The following FAP variants were observed in gnomAD, a reference collection of about 807,000 sequenced individuals.
The protein encoded by FAP is prolyl endopeptidase FAP.
A neutral mutation model predicts 126.5 loss-of-function variants in FAP; 110 were observed. That is an observed-to-expected ratio of 0.87 (90% CI 0.74 to 1.02). The LOEUF (loss-of-function observed/expected upper bound fraction) is 1.02. Among genes scored for constraint, FAP ranks in the 50% least tolerant of loss-of-function variants. The pLI, the probability that FAP is intolerant of heterozygous loss-of-function variation, is 0.00. For synonymous variants in FAP, 334 were observed against 297.3 expected (o/e 1.12, Z -1.27); for missense variants, 919 against 909.2 (o/e 1.01, Z -0.14).
At chr2:162,199,857 T>C (rs983779570) in intron 15 of FAP, among the ~76,000 whole-genome samples, 1 of 152,192 alleles carries the variant, frequency 6.6e-6, no homozygotes, top group Admixed American at 6.5e-5. Context: ...GGTTAGTATG[T>C]TAACATATGT....
chr2:162,220,112 C>A (rs1689328431), intron 6 of FAP, among the ~76,000 whole-genome samples, 187 bp from the exon 7 acceptor site: 1 of 152,128 alleles, frequency 6.6e-6, no homozygotes, highest in Admixed American at 6.5e-5. Flanking sequence ...GCTGTTCTTC[C>A]AGTAGTTACT....
intron 12 of FAP, among the ~76,000 whole-genome samples, chr2:162,208,336 C>A (rs1049316641): frequency 6.6e-6 from 1 of 151,294 alleles, no homozygotes. Flanking sequence ...AAGTTTAGTG[C>A]AATACAGATT....
chr2:162,177,611 T>A (rs566495848), intron 21 of FAP, among the ~76,000 whole-genome samples: 8 of 152,314 alleles, frequency 5.3e-5, no homozygotes, highest in African/African-American at 1.9e-4. Flanking sequence ...TCTTTGCCAT[T>A]CTGATTTAAA....
rs867448425 is a variant in FAP, at chr2:162,209,821, G to A, written c.1047+131C>T. The A allele has an allele frequency of 3.2e-5, 23 of 708,390 alleles. No individual in the cohort carries two copies. In the African/African-American group the frequency reaches 3.6e-4, roughly 11 times the overall value. 43.9% of individuals were successfully genotyped at this position (708,390 alleles called of 1,614,324 possible). A position where few individuals can be genotyped will look rare whatever the true frequency, so the allele number is the denominator to read the frequency against. On this transcript the variant is annotated intron_variant, in intron 12 of 25. Coordinates refer to ENST00000188790, the MANE Select transcript of FAP (RefSeq NM_004460.5). ...AATCACTCAAGAGATCACTACCTAT[G>A]TGTTTTATACCTTGCTACTTTTTCT...
At chr2:162,213,361 C>T (rs566312528) in intron 11 of FAP, among the ~76,000 whole-genome samples, 45 of 145,434 alleles carry the variant, frequency 3.1e-4, no homozygotes, top group Non-Finnish European at 6.0e-4. Context: ...GGCGACAGAG[C>T]GAGACGCCAT....
chr2:162,193,334 G>A (rs955339601), intron 17 of FAP, among the ~76,000 whole-genome samples: 9 of 152,188 alleles, frequency 5.9e-5, no homozygotes, highest in African/African-American at 1.9e-4. Flanking sequence ...TTGTGGAACT[G>A]TGCTCTGAAA....
At chr2:162,189,517 G>A (rs1687967524) in intron 18 of FAP, 139 bp downstream of exon 18, 1 of 592,068 alleles carries the variant, frequency 1.7e-6, no homozygotes, top group Admixed American at 3.6e-5. Context: ...AATTGTTACA[G>A]TAAGATTATT....
intron 2 of FAP, among the ~76,000 whole-genome samples, chr2:162,232,628 C>G (rs1026651341): frequency 6.6e-6 from 1 of 152,136 alleles, no homozygotes; most frequent in Admixed American, 6.5e-5. Context: ...TGAAGAATGT[C>G]TCAGCTCTAA....
intron 2 of FAP, among the ~76,000 whole-genome samples, chr2:162,240,535 C>T (rs951435806): frequency 6.6e-6 from 1 of 152,182 alleles, no homozygotes; most frequent in African/African-American, 2.4e-5. Flanking sequence ...GAATTCTAGA[C>T]TGCTGCACCT....
intron 1 of FAP, 165 bp from the exon 2 acceptor site, chr2:162,243,157 A>G (rs1690422281): frequency 1.3e-6 from 1 of 795,234 alleles, no homozygotes; most frequent in African/African-American, 1.7e-5. Flanking sequence ...CTCTGCAAGG[A>G]CAAATGTTTC....
chr2:162,183,512 C>T (rs761559185), intron 20 of FAP, 44 bp from the exon 21 acceptor site: 9 of 1,122,966 alleles, frequency 8.0e-6, no homozygotes, highest in Non-Finnish European at 1.1e-5. Context: ...AGTGTATACA[C>T]ATGACATTTA....
chr2:162,238,232 T>G (rs1690216249), intron 2 of FAP, among the ~76,000 whole-genome samples: 1 of 152,168 alleles, frequency 6.6e-6, no homozygotes, highest in Admixed American at 6.5e-5. Context: ...ATTGCTATAT[T>G]TTATGGCTCA....
At chr2:162,201,145 C>T (rs1688481332) in intron 14 of FAP, among the ~76,000 whole-genome samples, 2 of 152,118 alleles carry the variant, frequency 1.3e-5, no homozygotes, top group South Asian at 4.1e-4. Flanking sequence ...GTTCTGATTC[C>T]AACCTGTCTT....
chr2:162,237,979 G>C (rs1338350629), intron 2 of FAP, among the ~76,000 whole-genome samples: 3 of 151,650 alleles, frequency 2.0e-5, no homozygotes, highest in Admixed American at 2.0e-4. Flanking sequence ...TAAGTTTGTT[G>C]GTTGCATAAA....
At chr2:162,233,129 C>G (rs1689966779) in intron 2 of FAP, among the ~76,000 whole-genome samples, 1 of 152,116 alleles carries the variant, frequency 6.6e-6, no homozygotes, top group South Asian at 2.1e-4. Flanking sequence ...ATTAAACTTC[C>G]TCTTTAAAAT....
chr2:162,170,800 G>A lies in FAP; in HGVS notation c.*179C>T. On this transcript the variant is annotated 3_prime_UTR_variant, in exon 26 of 26. Coordinates refer to ENST00000188790, the MANE Select transcript of FAP (RefSeq NM_004460.5). Reference sequence around the variant, plus strand: ...CTTCTTTCACAGAGTACCAGAAAATGTAAACAATATTTAGCTTGAACTTCT... The same window carrying A: ...CTTCTTTCACAGAGTACCAGAAAATATAAACAATATTTAGCTTGAACTTCT... 1.8e-6 allele frequency: 1 copy of A among 550,860 alleles called. No individual in the cohort carries two copies. The allele number at this position is 550,860 out of a possible 1,614,324, so 34.1% of individuals were successfully genotyped here. A position where few individuals can be genotyped will look rare whatever the true frequency, so the allele number is the denominator to read the frequency against.
intron 21 of FAP, among the ~76,000 whole-genome samples, chr2:162,181,639 T>TC (rs1030107149): frequency 4.6e-5 from 7 of 152,282 alleles, no homozygotes; most frequent in African/African-American, 1.7e-4. Flanking sequence ...TCCACTCTTG[T>TC]CCCCCTGTAC....
chr2:162,173,416 A>G (rs1687382957), intron 23 of FAP, among the ~76,000 whole-genome samples, 195 bp from the exon 24 acceptor site: 1 of 152,068 alleles, frequency 6.6e-6, no homozygotes, highest in African/African-American at 2.4e-5. Context: ...TGAAAAACTG[A>G]AAGTTTATGT....
At chr2:162,234,511 G>C (rs930629652) in intron 2 of FAP, among the ~76,000 whole-genome samples, 8 of 152,176 alleles carry the variant, frequency 5.3e-5, no homozygotes, top group Middle Eastern at 3.4e-3. Flanking sequence ...ACAAGATTGT[G>C]TTATCTGTCA....
Sources: gnomAD v4.1 joint callset for allele counts (sites outside exome capture counted in the v4.1 genomes callset) on GRCh38, gnomAD v4.1.1 for gene constraint, MANE v1.5 for transcripts, NCBI Gene and HGNC (gene_info 2026-07-23, HGNC 2026-07-21) for gene names.